Variants in LRRIQ1 observed in about 807,000 individuals in gnomAD.
LRRIQ1 encodes the protein leucine-rich repeat- and IQ domain-containing protein 1.
Under a neutral mutation model 211.9 loss-of-function variants are expected in LRRIQ1, and 210 were observed. The ratio of observed to expected loss-of-function variants is 0.99; its 90% CI spans 0.89 to 1.11. The LOEUF is 1.11. Among genes scored for constraint, LRRIQ1 ranks in the 50% most tolerant of loss-of-function variants. LRRIQ1 has a pLI of 0.00. For synonymous variants in LRRIQ1, 699 were observed against 650.1 expected (o/e 1.08, Z -1.14); for missense variants, 2,136 against 1,939.5 (o/e 1.10, Z -1.90).
intron 15 of LRRIQ1, among the ~76,000 whole-genome samples, chr12:85,107,739 CCTCA>C (rs1434952917): frequency 6.6e-6 from 1 of 152,006 alleles, no homozygotes; most frequent in Non-Finnish European, 1.5e-5. Context: ...CCTTTCCATG[CCTCA>C]CTCACTCCGA....
intron 24 of LRRIQ1, among the ~76,000 whole-genome samples, chr12:85,227,917 G>A (rs960159710): frequency 5.3e-5 from 8 of 152,132 alleles, no homozygotes; most frequent in African/African-American, 1.7e-4. Flanking sequence ...AACAAGAAAT[G>A]GGGAAAAGAT....
intron 18 of LRRIQ1, among the ~76,000 whole-genome samples, chr12:85,130,539 T>C (rs1353191383): frequency 6.6e-6 from 1 of 152,184 alleles, no homozygotes; most frequent in Non-Finnish European, 1.5e-5. Flanking sequence ...GTTGAGCTTC[T>C]TTGTATCAGT....
intron 25 of LRRIQ1, among the ~76,000 whole-genome samples, chr12:85,230,672 T>A (rs958852497): frequency 7.2e-5 from 11 of 152,204 alleles, no homozygotes; most frequent in African/African-American, 2.7e-4. Flanking sequence ...CCAGAGATGA[T>A]ATTTTTACAT....
intron 24 of LRRIQ1, among the ~76,000 whole-genome samples, chr12:85,201,524 A>G (rs1893293958): frequency 6.6e-6 from 1 of 152,062 alleles, no homozygotes; most frequent in Non-Finnish European, 1.5e-5. Context: ...GGGTGGCTGA[A>G]TGTGTCGAGG....
At chr12:85,183,854 T>G (rs1892106041) in intron 24 of LRRIQ1, among the ~76,000 whole-genome samples, 1 of 152,120 alleles carries the variant, frequency 6.6e-6, no homozygotes, top group Non-Finnish European at 1.5e-5. Context: ...GGTTGTTTGT[T>G]TACTGTTATA....
chr12:85,198,109 A>T (rs1353875943), intron 24 of LRRIQ1, among the ~76,000 whole-genome samples: 6 of 118,632 alleles, frequency 5.1e-5, no homozygotes, highest in Middle Eastern at 3.9e-3. Flanking sequence ...TATATTATTT[A>T]TATATAATAT....
At chr12:85,062,341 T>C (rs115339451) in intron 8 of LRRIQ1, among the ~76,000 whole-genome samples, 2,218 of 151,886 alleles carry the variant, frequency 0.015, 51 homozygotes, top group African/African-American at 0.049. Flanking sequence ...TTTCGACTCT[T>C]GTCCCCTTCC....
chr12:85,175,005 G>A (rs761923160), intron 24 of LRRIQ1, among the ~76,000 whole-genome samples: 12 of 152,202 alleles, frequency 7.9e-5, no homozygotes, highest in Middle Eastern at 3.4e-3. Flanking sequence ...TTTCCCAACA[G>A]TAGCCTTGGA....
intron 18 of LRRIQ1, among the ~76,000 whole-genome samples, chr12:85,136,234 GA>G (rs551856865): frequency 1.3e-5 from 2 of 151,888 alleles, no homozygotes; most frequent in African/African-American, 4.8e-5. Context: ...ACACAAATGA[GA>G]AAAAAATGGG....
chr12:85,178,261 C>T (rs1891813305), intron 24 of LRRIQ1, among the ~76,000 whole-genome samples: 1 of 151,926 alleles, frequency 6.6e-6, no homozygotes, highest in Admixed American at 6.6e-5. Flanking sequence ...AAATTTCTGT[C>T]TCCATCATCT....
chr12:85,136,851 T>G (rs901381635), intron 18 of LRRIQ1, among the ~76,000 whole-genome samples: 1 of 152,000 alleles, frequency 6.6e-6, no homozygotes, highest in South Asian at 2.1e-4. Flanking sequence ...TCACTTTAAA[T>G]AACTTGTATG....
intron 11 of LRRIQ1, among the ~76,000 whole-genome samples, chr12:85,082,954 G>A (rs954286745): frequency 6.6e-6 from 1 of 152,162 alleles, no homozygotes; most frequent in African/African-American, 2.4e-5. Flanking sequence ...TCTAGTGGCG[G>A]TTTTCTGATC....
At chr12:85,254,823 T>A (rs1361717737) in intron 1 of LRRIQ1, among the ~76,000 whole-genome samples, 2 of 152,132 alleles carry the variant, frequency 1.3e-5, no homozygotes, top group Admixed American at 6.6e-5. Context: ...ATCAAAATCA[T>A]TCAAATATGA....
intron 24 of LRRIQ1, among the ~76,000 whole-genome samples, chr12:85,195,582 T>G (rs1293548108): frequency 1.3e-5 from 2 of 152,064 alleles, no homozygotes; most frequent in African/African-American, 4.8e-5. Flanking sequence ...AACCACATGA[T>G]TATCTCAATA....
downstream of LRRIQ1, among the ~76,000 whole-genome samples, chr12:85,265,282 A>G (rs1390758871): frequency 6.6e-6 from 1 of 152,034 alleles, no homozygotes; most frequent in East Asian, 1.9e-4. Flanking sequence ...ATTATTATTT[A>G]TCATGTAGCT....
At chr12:85,192,342 CT>C (rs1565893765) in intron 24 of LRRIQ1, among the ~76,000 whole-genome samples, 1 of 143,152 alleles carries the variant, frequency 7.0e-6, no homozygotes, top group Non-Finnish European at 1.5e-5. Flanking sequence ...TGATCTCATT[CT>C]TTTTTTATGG....
chr12:85,162,695 G>A (rs1291987915), intron 24 of LRRIQ1: 1 of 449,314 alleles, frequency 2.2e-6, no homozygotes, highest in Admixed American at 2.4e-5. Flanking sequence ...GTGGCCTATA[G>A]AATATAAAAC....
chr12:85,134,998 A>T lies in LRRIQ1; in HGVS notation c.4210-2852A>T, dbSNP rs12297674. ...TTTCAGTACATTACCAACCTTAAAA[A>T]TAACAATTATTTTTCACTATCACCA... On this transcript the variant is annotated intron_variant, in intron 18 of 26. Coordinates refer to ENST00000393217, the MANE Select transcript of LRRIQ1 (RefSeq NM_001079910.2). Among the ~76,000 whole-genome samples the T allele has an allele frequency of 7.6e-3, 1,158 of 152,174 alleles. 19 individuals carry two copies. The highest frequency in any genetic ancestry group is 0.026 in the African/African-American group (1,090 of 41,548).
intron 24 of LRRIQ1, among the ~76,000 whole-genome samples, chr12:85,195,563 A>C (rs1270661427): frequency 6.6e-6 from 1 of 152,160 alleles, no homozygotes; most frequent in Non-Finnish European, 1.5e-5. Flanking sequence ...AAACAGAACC[A>C]AAGACAAAAA....
Sources: gnomAD v4.1 joint callset for allele counts (sites outside exome capture counted in the v4.1 genomes callset) on GRCh38, gnomAD v4.1.1 for gene constraint, MANE v1.5 for transcripts, NCBI Gene and HGNC (gene_info 2026-07-23, HGNC 2026-07-21) for gene names.